The following NAALADL2 variants were observed in gnomAD, a reference collection of about 807,000 sequenced individuals.
NAALADL2 encodes the protein inactive N-acetylated-alpha-linked acidic dipeptidase-like protein 2.
NAALADL2 carries 76 observed loss-of-function variants against 87.2 expected under a neutral mutation model. The observed-to-expected ratio is 0.87, with a 90% CI of 0.72 to 1.05. The LOEUF is 1.05. NAALADL2 is among the 50% of genes least tolerant of loss of function. NAALADL2 has a pLI of 0.00. For synonymous variants in NAALADL2, 354 were observed against 331.0 expected (o/e 1.07, Z -0.75); for missense variants, 1,089 against 945.8 (o/e 1.15, Z -1.99).
intron 2 of NAALADL2, among the ~76,000 whole-genome samples, chr3:174,625,609 A>G (rs1323030137): frequency 2.0e-5 from 3 of 151,936 alleles, no homozygotes; most frequent in Non-Finnish European, 4.4e-5. Context: ...ATAATCAGAA[A>G]TGTACACAAA....
chr3:175,560,111 TCTTTA>T (rs1716028079), intron 9 of NAALADL2, among the ~76,000 whole-genome samples: 1 of 152,142 alleles, frequency 6.6e-6, no homozygotes, highest in Non-Finnish European at 1.5e-5. Flanking sequence ...AGTTTTGATG[TCTTTA>T]CTTGTTATTG....
intron 2 of NAALADL2, 63 bp from the exon 3 acceptor site, chr3:175,233,868 C>A: frequency 1.1e-6 from 1 of 902,186 alleles, no homozygotes; most frequent in South Asian, 1.7e-5. Context: ...ATTGAGCAGT[C>A]ATATCTCAAA....
At chr3:175,168,595 A>G (rs1212529183) in intron 2 of NAALADL2, among the ~76,000 whole-genome samples, 2 of 151,698 alleles carry the variant, frequency 1.3e-5, no homozygotes, top group Admixed American at 6.6e-5. Context: ...ACACTTTTTC[A>G]TATTCAATTC....
intron 2 of NAALADL2, among the ~76,000 whole-genome samples, chr3:175,187,399 T>C (rs979789014): frequency 2.6e-5 from 4 of 152,210 alleles, no homozygotes; most frequent in African/African-American, 7.2e-5. Context: ...ATTTATTTTA[T>C]ATTGCTTTTA....
intron 13 of NAALADL2, among the ~76,000 whole-genome samples, chr3:175,789,351 ATATGTCTTC>A (rs754575757): frequency 3.9e-5 from 6 of 152,150 alleles, no homozygotes; most frequent in Non-Finnish European, 5.9e-5. Context: ...ACTCTTTTGT[ATATGTCTTC>A]TCTGTGTTAA....
chr3:174,468,289 A>AGT (rs1176938372), intron 1 of NAALADL2, among the ~76,000 whole-genome samples: 1 of 152,056 alleles, frequency 6.6e-6, no homozygotes, highest in Non-Finnish European at 1.5e-5. Context: ...GAGGAATGTG[A>AGT]GTGTGAAGAG....
intron 5 of NAALADL2, among the ~76,000 whole-genome samples, chr3:175,332,868 T>C (rs1452341191): frequency 6.6e-6 from 1 of 152,218 alleles, no homozygotes; most frequent in East Asian, 1.9e-4. Context: ...TTTCTCCGTT[T>C]AGATCTAATA....
rs144372283 is a variant in NAALADL2, at chr3:175,102,289, A to G, written c.545+4998A>G. Among the ~76,000 whole-genome samples the G allele has an allele frequency of 7.7e-3, 1,178 of 152,262 alleles. 12 individuals carry two copies. Among genetic ancestry groups the G allele is most frequent in the African/African-American group, 0.027 (1,118 of 41,550 alleles). ...CAAATCACAGCTTCAAGGAGTTCCAATTTGTGTAGTTGTTTGCTTTGTGTC... is the reference window on the plus strand; with the variant it reads ...CAAATCACAGCTTCAAGGAGTTCCAGTTTGTGTAGTTGTTTGCTTTGTGTC... On this transcript the variant is annotated intron_variant, in intron 2 of 13. Transcript: ENST00000454872.
chr3:174,667,474 C>T (rs1019171860), intron 2 of NAALADL2, among the ~76,000 whole-genome samples: 1 of 150,304 alleles, frequency 6.7e-6, no homozygotes, highest in Non-Finnish European at 1.5e-5. Flanking sequence ...TTATCTACCA[C>T]GCAGTTGAGT....
chr3:175,423,734 A>G (rs954211071), intron 5 of NAALADL2, among the ~76,000 whole-genome samples: 11 of 152,168 alleles, frequency 7.2e-5, no homozygotes, highest in Admixed American at 5.9e-4. Context: ...ATGCATGTGC[A>G]TGTGTCTTTA....
At chr3:175,478,009 C>T (rs1192433961) in intron 9 of NAALADL2, among the ~76,000 whole-genome samples, 2 of 151,974 alleles carry the variant, frequency 1.3e-5, no homozygotes, top group Non-Finnish European at 2.9e-5. Context: ...AGTACTGAAA[C>T]AAAGCTTAAT....
At chr3:175,070,433 C>A (rs1398603194) in intron 1 of NAALADL2, among the ~76,000 whole-genome samples, 1 of 151,978 alleles carries the variant, frequency 6.6e-6, no homozygotes, top group Non-Finnish European at 1.5e-5. Flanking sequence ...AATTGTATAA[C>A]TGCTGGACTT....
intron 1 of NAALADL2, among the ~76,000 whole-genome samples, chr3:175,042,337 A>G (rs1254275955): frequency 6.6e-6 from 1 of 152,114 alleles, no homozygotes; most frequent in African/African-American, 2.4e-5. Flanking sequence ...TTCTTTATCC[A>G]GTTGCTCATC....
chr3:175,335,122 C>T (rs1021823171), intron 5 of NAALADL2, among the ~76,000 whole-genome samples: 1 of 152,180 alleles, frequency 6.6e-6, no homozygotes. Flanking sequence ...AACCTCACCA[C>T]GTCTACCGCG....
chr3:175,076,001 G>T (rs1716521953), intron 1 of NAALADL2, among the ~76,000 whole-genome samples: 1 of 152,052 alleles, frequency 6.6e-6, no homozygotes, highest in Non-Finnish European at 1.5e-5. Flanking sequence ...GCCGAGGTAG[G>T]GGGATCACTT....
intron 2 of NAALADL2, among the ~76,000 whole-genome samples, chr3:175,230,670 C>T (rs184355652): frequency 2.0e-4 from 31 of 152,136 alleles, no homozygotes; most frequent in East Asian, 1.9e-3. Context: ...GGCAGTTGTA[C>T]TTCTGAGCTA....
chr3:175,263,962 TACTG>T lies in NAALADL2; in HGVS notation c.939+7435_939+7438del, dbSNP rs528464439. ...TATCTGCTGTGGTGCTTTGTGGTAA[TACTG>T]ACCTCTTCTTTCACATTTCAGCTTT... On this transcript the variant is annotated intron_variant, in intron 4 of 13. Coordinates refer to ENST00000454872, the MANE Select transcript of NAALADL2 (RefSeq NM_207015.3). 4.4e-3 allele frequency among the ~76,000 whole-genome samples: 662 copies of T among 151,980 alleles called. 3 individuals are homozygous for T. Among genetic ancestry groups the T allele is most frequent in the Non-Finnish European group, 6.7e-3 (452 of 67,776 alleles).
intron 2 of NAALADL2, among the ~76,000 whole-genome samples, chr3:174,730,769 AAT>A (rs1302939557): frequency 6.6e-6 from 1 of 152,118 alleles, no homozygotes; most frequent in African/African-American, 2.4e-5. Context: ...ATACCATTAA[AAT>A]ATAAAAGACT....
intron 2 of NAALADL2, among the ~76,000 whole-genome samples, chr3:174,737,063 A>C (rs1733291181): frequency 6.6e-6 from 1 of 152,176 alleles, no homozygotes; most frequent in Non-Finnish European, 1.5e-5. Context: ...TGCCCTGCCA[A>C]CTCAGGAGGG....
Sources: gnomAD v4.1 joint callset for allele counts (sites outside exome capture counted in the v4.1 genomes callset) on GRCh38, gnomAD v4.1.1 for gene constraint, MANE v1.5 for transcripts, NCBI Gene and HGNC (gene_info 2026-07-23, HGNC 2026-07-21) for gene names.